HPSE2: variants seen among roughly 807,000 people sequenced by gnomAD.
HPSE2 encodes the protein inactive heparanase-2.
In HPSE2, 38 loss-of-function variants were observed where a neutral mutation model predicts 60.5. The observed-to-expected ratio is 0.63, with a 90% CI of 0.48 to 0.82. The LOEUF is 0.82. HPSE2 is among the 40% of genes least tolerant of loss of function. HPSE2 has a pLI of 0.00. For missense variants in HPSE2, 713 were observed against 740.4 expected, an observed-to-expected ratio of 0.96 and a Z score of 0.43; for synonymous variants, 295 against 293.2, an observed-to-expected ratio of 1.01 and a Z score of -0.06.
intron 9 of HPSE2, among the ~76,000 whole-genome samples, chr10:98,564,879 T>C (rs867291730): frequency 3.0e-4 from 46 of 152,276 alleles, no homozygotes; most frequent in Non-Finnish European, 4.6e-4. Context: ...AATCTAATTC[T>C]GGGGTGACTC....
chr10:98,970,063 G>A (rs1263615684), intron 3 of HPSE2, among the ~76,000 whole-genome samples: 1 of 151,832 alleles, frequency 6.6e-6, no homozygotes, highest in African/African-American at 2.4e-5. Context: ...CCAGGTTCAA[G>A]CGATTCTCCT....
intron 3 of HPSE2, among the ~76,000 whole-genome samples, chr10:98,885,338 T>C (rs890334801): frequency 6.6e-6 from 1 of 152,172 alleles, no homozygotes; most frequent in Non-Finnish European, 1.5e-5. Flanking sequence ...CTGGTGAAGA[T>C]GCTCTGAACA....
chr10:98,541,429 C>G (rs1277024317), intron 9 of HPSE2, among the ~76,000 whole-genome samples: 2 of 152,166 alleles, frequency 1.3e-5, no homozygotes, highest in African/African-American at 4.8e-5. Flanking sequence ...ATCTGAGGTA[C>G]CGGGTTCATC....
Position 98,947,775 on chromosome 10 carries a change from G to A in HPSE2, c.610+196463C>T, listed in dbSNP as rs1157184323. ...CCTTAAAGGAAAAAGATAAATACAA[G>A]CTACCCACCTTTTAGTTGTACAATA... On this transcript the variant is annotated intron_variant, in intron 3 of 11. Coordinates refer to ENST00000370552, the MANE Select transcript of HPSE2 (RefSeq NM_021828.5). Among the ~76,000 whole-genome samples, 4 of 152,146 alleles carry A rather than the reference G, an allele frequency of 2.6e-5. No homozygotes were observed. The South Asian group carries it at 8.3e-4, about 32-fold the overall frequency.
At chr10:98,753,445 C>A (rs1949805952) in intron 3 of HPSE2, among the ~76,000 whole-genome samples, 1 of 152,092 alleles carries the variant, frequency 6.6e-6, no homozygotes, top group Non-Finnish European at 1.5e-5. Flanking sequence ...GATACTTGTA[C>A]ATCAATGTTA....
At chr10:98,512,952 C>G (rs1942467928) in intron 9 of HPSE2, among the ~76,000 whole-genome samples, 1 of 152,134 alleles carries the variant, frequency 6.6e-6, no homozygotes, top group South Asian at 2.1e-4. Flanking sequence ...ATTTCTGTAT[C>G]ATATGTTCTC....
chr10:98,597,198 A>C (rs184578503), intron 9 of HPSE2, among the ~76,000 whole-genome samples: 355 of 152,276 alleles, frequency 2.3e-3, no homozygotes, highest in Non-Finnish European at 3.9e-3. Flanking sequence ...ACTACAATTC[A>C]AGATGAGATT....
At chr10:98,954,760 G>T (rs2135207299) in intron 3 of HPSE2, among the ~76,000 whole-genome samples, 1 of 151,926 alleles carries the variant, frequency 6.6e-6, no homozygotes, top group Non-Finnish European at 1.5e-5. Flanking sequence ...ATAAACATAA[G>T]GTCAGTACAA....
intron 3 of HPSE2, among the ~76,000 whole-genome samples, chr10:99,012,899 C>T (rs561051183): frequency 6.6e-6 from 1 of 152,286 alleles, no homozygotes; most frequent in East Asian, 1.9e-4. Flanking sequence ...TAATAACTTA[C>T]TTTGGAAAAA....
the HPSE2 span, among the ~76,000 whole-genome samples, chr10:99,273,695 C>T: frequency 6.6e-6 from 1 of 152,096 alleles, no homozygotes; most frequent in Non-Finnish European, 1.5e-5. Context: ...TTAGGCAGAA[C>T]ACATATAAAA....
At chr10:98,865,223 T>C (rs1374776324) in intron 3 of HPSE2, among the ~76,000 whole-genome samples, 1 of 151,986 alleles carries the variant, frequency 6.6e-6, no homozygotes, top group Non-Finnish European at 1.5e-5. Flanking sequence ...AAAAATAAAA[T>C]CACAGATTTT....
Position 98,571,936 on chromosome 10 carries a change from T to TTTTC in HPSE2, c.1320+42964_1320+42967dup, listed in dbSNP as rs200561178. Among the ~76,000 whole-genome samples, 19 of 41,906 alleles carry TTTTC rather than the reference T, an allele frequency of 4.5e-4. 5 individuals are homozygous for TTTTC. The highest frequency in any genetic ancestry group is 8.5e-4 in the Non-Finnish European group (11 of 12,992). 27.5% of individuals were successfully genotyped at this position (41,906 alleles called of 152,430 possible). A position where few individuals can be genotyped will look rare whatever the true frequency, so the allele number is the denominator to read the frequency against. ...TTCTAATTCAGAGCAAGAGAATTCC[T>TTTTC]TTTCTTTTTTTTTTTTTTTTGAGAC... On this transcript the variant is annotated intron_variant, in intron 9 of 11. Coordinates refer to ENST00000370552, the MANE Select transcript of HPSE2 (RefSeq NM_021828.5).
chr10:99,248,464 T>TGTAGCCTGGCTGTTTCTA, the HPSE2 span, among the ~76,000 whole-genome samples: 2 of 152,320 alleles, frequency 1.3e-5, no homozygotes, highest in South Asian at 4.1e-4. Flanking sequence ...GCATTCAAGA[T>TGTAGCCTGGCTGTTTCTA]GTAGCCTGGC....
At chr10:99,078,069 T>C (rs540232364) in intron 3 of HPSE2, among the ~76,000 whole-genome samples, 117 of 152,296 alleles carry the variant, frequency 7.7e-4, no homozygotes, top group African/African-American at 2.8e-3. Context: ...CCCTATCACC[T>C]TCCACCATGA....
At chr10:99,050,661 C>T (rs1452391922) in intron 3 of HPSE2, among the ~76,000 whole-genome samples, 2 of 151,834 alleles carry the variant, frequency 1.3e-5, no homozygotes, top group African/African-American at 2.4e-5. Flanking sequence ...TATATATACA[C>T]AATAGAAAAA....
chr10:98,697,733 A>C (rs1482990031), intron 5 of HPSE2, among the ~76,000 whole-genome samples: 1 of 152,150 alleles, frequency 6.6e-6, no homozygotes, highest in African/African-American at 2.4e-5. Flanking sequence ...AAAATGAAGG[A>C]AAAAATGTTA....
At chr10:98,920,048 T>A (rs1954237612) in intron 3 of HPSE2, among the ~76,000 whole-genome samples, 1 of 152,174 alleles carries the variant, frequency 6.6e-6, no homozygotes. Context: ...CCAGCTGCTG[T>A]ATGTTTAGAT....
rs1846981979 is a variant in HPSE2, at chr10:99,164,379, T to C, written c.449-19980A>G. On this transcript the variant is annotated intron_variant, in intron 2 of 11. Transcript: ENST00000370552. ...ATGAGAGCTTTTTCAGCTGAGCTTCTATAATTTTTTGACATATCCTCAATC... is the reference window on the plus strand; with the variant it reads ...ATGAGAGCTTTTTCAGCTGAGCTTCCATAATTTTTTGACATATCCTCAATC... Among the ~76,000 whole-genome samples, 8 of 150,766 alleles carry C rather than the reference T, an allele frequency of 5.3e-5. No individual in the cohort carries two copies. The South Asian group carries it at 1.7e-3, about 32-fold the overall frequency.
At chr10:99,107,945 T>C (rs917035304) in intron 3 of HPSE2, among the ~76,000 whole-genome samples, 5 of 152,284 alleles carry the variant, frequency 3.3e-5, no homozygotes, top group Non-Finnish European at 5.9e-5. Context: ...AGAAGCAAGA[T>C]TGAACTATTT....
Sources: gnomAD v4.1 joint callset for allele counts (sites outside exome capture counted in the v4.1 genomes callset) on GRCh38, gnomAD v4.1.1 for gene constraint, MANE v1.5 for transcripts, NCBI Gene and HGNC (gene_info 2026-07-23, HGNC 2026-07-21) for gene names.